The following TNKS variants were observed in gnomAD, a reference collection of about 807,000 sequenced individuals.
TNKS encodes the protein tankyrase.
TNKS carries 72 observed loss-of-function variants against 135.8 expected under a neutral mutation model. The observed-to-expected ratio is 0.53, with a 90% CI of 0.44 to 0.64. The LOEUF is 0.64. Ranked by LOEUF, TNKS falls within the 30% of genes least tolerant of loss-of-function variation. TNKS has a pLI of 0.00. For missense variants in TNKS, 1,769 were observed against 1,674.0 expected (o/e 1.06, Z -0.99); for synonymous variants, 849 against 649.3 (o/e 1.31, Z -4.68).
intron 3 of TNKS, among the ~76,000 whole-genome samples, chr8:9,616,188 GTTTA>G (rs1563119326): frequency 6.6e-6 from 1 of 152,016 alleles, no homozygotes. Context: ...TAACTGAGGC[GTTTA>G]TTATCTTTTT....
chr8:9,774,405 T>A (rs773027158), intron 26 of TNKS, among the ~76,000 whole-genome samples: 1 of 152,120 alleles, frequency 6.6e-6, no homozygotes, highest in African/African-American at 2.4e-5. Flanking sequence ...GAATTCAAAT[T>A]TTAGTGTTAG....
At chr8:9,579,268 C>T (rs1220962983) in intron 1 of TNKS, among the ~76,000 whole-genome samples, 4 of 152,108 alleles carry the variant, frequency 2.6e-5, no homozygotes, top group Non-Finnish European at 5.9e-5. Flanking sequence ...AGTTCACCAC[C>T]CATTTCATAT....
At chr8:9,586,722 C>CGTGT (rs5889287) in intron 2 of TNKS, among the ~76,000 whole-genome samples, 12,395 of 143,172 alleles carry the variant, frequency 0.087, 595 homozygotes, top group East Asian at 0.22. Flanking sequence ...ATATCTAAAA[C>CGTGT]GTGTGTGTGT....
intron 1 of TNKS, among the ~76,000 whole-genome samples, chr8:9,573,906 T>A (rs115779748): frequency 0.02 from 3,006 of 152,330 alleles, 70 homozygotes; most frequent in African/African-American, 0.06. Flanking sequence ...TTGTCAGTTA[T>A]ATGATTTAAT....
At position 9,766,315 on chromosome 8, in the gene TNKS, C is replaced by T. The variant is rs373127636; in HGVS notation, c.3630C>T (p.Ala1210=). 66 of 1,613,446 alleles carry T rather than the reference C, an allele frequency of 4.1e-5. No individual in the cohort carries two copies. The highest frequency in any genetic ancestry group is 3.3e-4 in the South Asian group (30 of 91,042). ...CATACATAGGAGGAATGTTTGGGGCCGGGATTTATTTTGCTGAAAACTCCT... is the reference window on the plus strand; with the variant it reads ...CATACATAGGAGGAATGTTTGGGGCTGGGATTTATTTTGCTGAAAACTCCT... The part of the protein sequence containing the change: ...RHAYIGGMFG[A]GIYFAENSSK... Residue 1210 remains alanine, a synonymous_variant, in exon 25 of 27, where the codon GCC becomes GCT. Transcript: ENST00000310430.
At chr8:9,715,101 G>A (rs1804540493) in intron 11 of TNKS, among the ~76,000 whole-genome samples, 1 of 152,120 alleles carries the variant, frequency 6.6e-6, no homozygotes, top group Non-Finnish European at 1.5e-5. Flanking sequence ...GGAGTATGAA[G>A]AAGGAGCAGG....
At chr8:9,569,893 T>C (rs919199438) in intron 1 of TNKS, among the ~76,000 whole-genome samples, 1 of 152,234 alleles carries the variant, frequency 6.6e-6, no homozygotes, top group African/African-American at 2.4e-5. Flanking sequence ...TTTTGAAATC[T>C]ATTGCCTTAA....
intron 3 of TNKS, among the ~76,000 whole-genome samples, chr8:9,657,347 G>A (rs1801435430): frequency 1.2e-5 from 1 of 82,722 alleles, no homozygotes; most frequent in African/African-American, 4.5e-5. Flanking sequence ...CGGGCAGAGG[G>A]GCTCCTCACT....
chr8:9,729,137 G>A (rs550759591), intron 13 of TNKS, among the ~76,000 whole-genome samples: 7 of 152,088 alleles, frequency 4.6e-5, no homozygotes, highest in Middle Eastern at 3.2e-3. Context: ...GGCAGAAGGC[G>A]GAAGGGCAAA....
chr8:9,559,102 A>AC (rs1447588790), intron 1 of TNKS, among the ~76,000 whole-genome samples: 1 of 152,202 alleles, frequency 6.6e-6, no homozygotes, highest in Non-Finnish European at 1.5e-5. Context: ...AAATACTGAC[A>AC]CAATTGTGTA....
chr8:9,706,312 C>G, intron 7 of TNKS, 59 bp downstream of exon 7: 1 of 1,261,590 alleles, frequency 7.9e-7, no homozygotes, highest in Middle Eastern at 2.0e-4. Flanking sequence ...TTTACCTTGT[C>G]ATGACTTTCC....
At chr8:9,562,131 T>G (rs1357943772) in intron 1 of TNKS, among the ~76,000 whole-genome samples, 1 of 152,138 alleles carries the variant, frequency 6.6e-6, no homozygotes, top group Admixed American at 6.6e-5. Context: ...ATATCTTTTA[T>G]GAAGTTTTGT....
At chr8:9,662,337 A>C (rs1386696516) in intron 3 of TNKS, among the ~76,000 whole-genome samples, 3 of 152,240 alleles carry the variant, frequency 2.0e-5, no homozygotes, top group Non-Finnish European at 2.9e-5. Flanking sequence ...AAAGACTTGG[A>C]ACCAACCCAA....
chr8:9,767,122 CT>C (rs1264463042), intron 25 of TNKS, among the ~76,000 whole-genome samples: 1 of 152,150 alleles, frequency 6.6e-6, no homozygotes, highest in Non-Finnish European at 1.5e-5. Context: ...AACATAGACT[CT>C]TTAATTTACT....
chr8:9,673,821 A>G (rs1563159344), intron 3 of TNKS, among the ~76,000 whole-genome samples: 1 of 152,150 alleles, frequency 6.6e-6, no homozygotes, highest in Admixed American at 6.5e-5. Context: ...AAGCTTCTCA[A>G]ATAATAACTT....
chr8:9,689,000 C>A (rs1360010898), intron 5 of TNKS, among the ~76,000 whole-genome samples: 1 of 152,118 alleles, frequency 6.6e-6, no homozygotes, highest in Non-Finnish European at 1.5e-5. Context: ...AGGTTCCCAC[C>A]CTTATGACCT....
intron 5 of TNKS, among the ~76,000 whole-genome samples, chr8:9,685,196 G>A (rs1802939814): frequency 6.6e-6 from 1 of 152,140 alleles, no homozygotes; most frequent in Non-Finnish European, 1.5e-5. Flanking sequence ...CAGAAATAAA[G>A]TAGAATTTAG....
intron 2 of TNKS, among the ~76,000 whole-genome samples, chr8:9,606,959 C>G (rs1799246395): frequency 6.6e-6 from 1 of 152,086 alleles, no homozygotes; most frequent in African/African-American, 2.4e-5. Flanking sequence ...CTTCTGCAGA[C>G]CTTGTTTTGC....
chr8:9,741,664 T>A, intron 17 of TNKS: 1 of 508,116 alleles, frequency 2.0e-6, no homozygotes, highest in Non-Finnish European at 4.1e-6. Context: ...CCCCATCAGT[T>A]AAGATGTTAC....
Sources: allele counts gnomAD v4.1 joint callset (sites outside exome capture counted in the v4.1 genomes callset), GRCh38; gene constraint gnomAD v4.1.1; transcripts MANE v1.5; gene names NCBI Gene and HGNC (gene_info 2026-07-23, HGNC 2026-07-21).